The following INTS3 variants were observed in gnomAD, a reference collection of about 807,000 sequenced individuals.
The protein encoded by INTS3 is SOSS complex subunit A.
A neutral mutation model predicts 146.3 loss-of-function variants in INTS3; 34 were observed. That is an observed-to-expected ratio of 0.23 (90% CI 0.18 to 0.31). The LOEUF is 0.31. INTS3 is among the 10% of genes least tolerant of loss of function. The pLI, the probability that INTS3 is intolerant of heterozygous loss-of-function variation, is 1.00. For synonymous variants in INTS3, 475 were observed against 494.9 expected (o/e 0.96, Z 0.53); for missense variants, 757 against 1,304.2 (o/e 0.58, Z 6.46).
chr1:153,752,191 C>A, intron 7 of INTS3, 88 bp from the exon 8 acceptor site: 1 of 1,291,456 alleles, frequency 7.7e-7, no homozygotes, highest in Non-Finnish European at 1.1e-6. Flanking sequence ...CTCCCTAGAA[C>A]ATGTTGTTCC....
chr1:153,772,552 G>A lies in INTS3; in HGVS notation c.2822-87G>A, dbSNP rs777485404. 3.5e-5 allele frequency: 57 copies of A among 1,610,324 alleles called. No homozygotes were observed. In the African/African-American group the frequency reaches 6.1e-4, roughly 17 times the overall value. On this transcript the variant is annotated intron_variant, in intron 27 of 29. Transcript: ENST00000318967. The surrounding 1 kb of genome is among the most constrained non-coding windows in gnomAD (Gnocchi z 4.6). The stretch of plus-strand genomic sequence containing the variant: ...ACACCCGGGGCCACAACCCACACTC[G>A]GGATAAAACAACCTGTGCGTGCTGT...
At chr1:153,748,460 G>C (rs781554517) in intron 5 of INTS3, 1 of 580,184 alleles carries the variant, frequency 1.7e-6, no homozygotes, top group Non-Finnish European at 3.1e-6. Flanking sequence ...CTGTGGGAAA[G>C]TAGCAGCTCT....
intron 21 of INTS3, 30 bp downstream of exon 21, chr1:153,767,857 G>C: frequency 6.4e-7 from 1 of 1,569,496 alleles, no homozygotes; most frequent in Non-Finnish European, 8.7e-7. Flanking sequence ...TCTGTGCCGG[G>C]GGGCTCACAG....
intron 3 of INTS3, among the ~76,000 whole-genome samples, chr1:153,742,153 G>A (rs1461554189): frequency 6.6e-6 from 1 of 152,184 alleles, no homozygotes; most frequent in Non-Finnish European, 1.5e-5. Context: ...ATGGGAAACT[G>A]ATCTGTTTGT....
chr1:153,731,367 C>T (rs1190446984), intron 1 of INTS3, among the ~76,000 whole-genome samples: 1 of 152,056 alleles, frequency 6.6e-6, no homozygotes, highest in African/African-American at 2.4e-5. Context: ...TTCTCTTTGG[C>T]CCTGTTTTTC....
intron 1 of INTS3, among the ~76,000 whole-genome samples, chr1:153,737,205 T>C (rs777771726): frequency 3.9e-5 from 6 of 152,228 alleles, no homozygotes; most frequent in Non-Finnish European, 8.8e-5. Flanking sequence ...CCTTTGTCCT[T>C]CTTTTGCCAG....
In INTS3 at chr1:153,773,436, C is replaced by T. The variant is rs955564539; in HGVS notation, c.*166C>T. 4 of 663,276 alleles carry T rather than the reference C, an allele frequency of 6.0e-6. No individual in the cohort carries two copies. The highest frequency in any genetic ancestry group is 1.1e-5 in the Non-Finnish European group (4 of 369,788). 41.1% of individuals were successfully genotyped at this position (663,276 alleles called of 1,614,324 possible). A position where few individuals can be genotyped will look rare whatever the true frequency, so the allele number is the denominator to read the frequency against. On this transcript the variant is annotated 3_prime_UTR_variant, in exon 30 of 30. Transcript: ENST00000318967. Reference sequence around the variant, plus strand: ...TCCTCTGGCTGAGTTTGAGAAGCTGCCATGCAGCCCCTAGCCCCTTCCCTC... The same window carrying T: ...TCCTCTGGCTGAGTTTGAGAAGCTGTCATGCAGCCCCTAGCCCCTTCCCTC...
Position 153,770,710 on chromosome 1 carries a change from A to G in INTS3, c.2529A>G (p.Leu843=). ...YKEHPEALSC[L]LLQLRREKPS... is the part of the protein sequence containing the mutation. ...AGCACCCAGAGGCCCTGTCCTGCCT[A>G]CTGCTTCAACTCCGAAGAGAAAAGT... The change falls in exon 25 of 30, where the codon CTA becomes CTG. Residue 843 remains leucine, a synonymous_variant. Transcript: ENST00000318967. 6.2e-7 allele frequency: 1 copy of G among 1,613,772 alleles called. No homozygotes were observed.
chr1:153,733,849 C>T (rs1327759582), intron 1 of INTS3, among the ~76,000 whole-genome samples: 3 of 150,888 alleles, frequency 2.0e-5, no homozygotes, highest in African/African-American at 7.3e-5. Flanking sequence ...GTGATTCGCC[C>T]CCCTCAGCCT....
At chr1:153,762,563 G>A (rs944774976) in intron 14 of INTS3, among the ~76,000 whole-genome samples, 165 bp from the exon 15 acceptor site, 4 of 152,190 alleles carry the variant, frequency 2.6e-5, no homozygotes, top group Admixed American at 6.5e-5. Flanking sequence ...AGGGTTGTGA[G>A]GACAAGAGGT....
At chr1:153,769,566 CAG>C in intron 22 of INTS3, among the ~76,000 whole-genome samples, 1 of 152,278 alleles carries the variant, frequency 6.6e-6, no homozygotes, top group South Asian at 2.1e-4. Context: ...GGTTCCCACT[CAG>C]GCCTTACTTT....
At chr1:153,768,828 A>T in intron 21 of INTS3, 65 bp from the exon 22 acceptor site, 2 of 1,230,794 alleles carry the variant, frequency 1.6e-6, no homozygotes, top group Non-Finnish European at 1.2e-6. Context: ...AAGGAAGGAG[A>T]GTGGGCTATG....
In INTS3 at chr1:153,759,509, T is replaced by TC; in HGVS notation, c.1150-13dup. On this transcript the variant is annotated splice_polypyrimidine_tract_variant and intron_variant, in intron 10 of 29. Transcript: ENST00000318967. ...ATTGATGAAACTAGCCCTCTGTTTC[T>TC]CCCCTCTCTTTTCCAGTCAAATGTC... 2 of 1,571,688 alleles carry TC rather than the reference T, an allele frequency of 1.3e-6. No homozygotes were observed. Among genetic ancestry groups the TC allele is most frequent in the Non-Finnish European group, 1.8e-6 (2 of 1,141,290 alleles).
Position 153,757,451 on chromosome 1 carries a change from G to C in INTS3, c.958-121G>C. On this transcript the variant is annotated intron_variant, in intron 9 of 29. Coordinates refer to ENST00000318967, the MANE Select transcript of INTS3 (RefSeq NM_023015.5). This position sits in a 1 kb window ranked among gnomAD's most constrained non-coding sequence, Gnocchi z 4.0. ...GACTTACGAGACAGTATGAGCTAAT[G>C]AATGAATTGTGGAGAAATAGAGGTC... 1.3e-6 allele frequency: 1 copy of C among 750,312 alleles called. No individual in the cohort carries two copies. The highest frequency in any genetic ancestry group is 2.2e-6 in the Non-Finnish European group (1 of 449,140). The allele number at this position is 750,312 out of a possible 1,614,324, so 46.5% of individuals were successfully genotyped here. A position where few individuals can be genotyped will look rare whatever the true frequency, so the allele number is the denominator to read the frequency against.
chr1:153,764,888 G>A, intron 19 of INTS3, 56 bp from the exon 20 acceptor site: 1 of 1,610,908 alleles, frequency 6.2e-7, no homozygotes, highest in Non-Finnish European at 8.5e-7. Flanking sequence ...GAAACTCCAT[G>A]GGAGAGTCTG....
intron 1 of INTS3, among the ~76,000 whole-genome samples, chr1:153,739,422 G>A (rs954684391): frequency 5.7e-4 from 85 of 148,044 alleles, no homozygotes; most frequent in African/African-American, 2.0e-3. Context: ...GGCTCACCTC[G>A]ACCTCTGCCT....
Position 153,767,807 on chromosome 1 carries a change from A to C in INTS3, c.2224A>C (p.Thr742Pro). The change falls in exon 21 of 30, where the codon ACG (threonine) becomes CCG (proline). Residue 742 changes from threonine (T) to proline (P), a missense_variant. By Grantham distance (38) the Thr-to-Pro change is conservative. Coordinates refer to ENST00000318967, the MANE Select transcript of INTS3 (RefSeq NM_023015.5). The part of the protein sequence containing the change: ...EDDVRLLCHL[T>P]PSIYTEFPDE... ...CGATGTGCGGCTCCTGTGCCACCTC[A>C]CGCCCTCCATCTACACAGAGGTCAG... 6.2e-7 allele frequency: 1 copy of C among 1,603,932 alleles called. No individual in the cohort carries two copies. Among genetic ancestry groups the C allele is most frequent in the Admixed American group, 1.7e-5 (1 of 59,232 alleles).
chr1:153,735,586 T>A (rs533753712), intron 1 of INTS3, among the ~76,000 whole-genome samples: 1 of 152,324 alleles, frequency 6.6e-6, no homozygotes, highest in Non-Finnish European at 1.5e-5. Flanking sequence ...GTGCCACTCC[T>A]TGTTCACCAT....
At chr1:153,755,761 G>A (rs1420508651) in intron 9 of INTS3, among the ~76,000 whole-genome samples, 13 of 152,174 alleles carry the variant, frequency 8.5e-5, no homozygotes, top group East Asian at 1.9e-4. Context: ...ATTCTTGGCC[G>A]GACGCAGTGG....
Sources: gnomAD v4.1 joint callset for allele counts (sites outside exome capture counted in the v4.1 genomes callset) on GRCh38, gnomAD v4.1.1 for gene constraint, Gnocchi (gnomAD v3.1) non-coding constraint, MANE v1.5 for transcripts, NCBI Gene and HGNC (gene_info 2026-07-23, HGNC 2026-07-21) for gene names.